Variants in HSPH1 observed in about 807,000 individuals in gnomAD.
HSPH1 encodes heat shock protein 105 kDa.
In HSPH1, 40 loss-of-function variants were observed where a neutral mutation model predicts 100.0. That is an observed-to-expected ratio of 0.40 (90% CI 0.31 to 0.52). The LOEUF (loss-of-function observed/expected upper bound fraction) is 0.52. Ranked by LOEUF, HSPH1 falls within the 20% of genes least tolerant of loss-of-function variation. HSPH1 has a pLI of 0.54. For missense variants in HSPH1, 876 were observed against 1,015.1 expected, an observed-to-expected ratio of 0.86 and a Z score of 1.86; for synonymous variants, 403 against 344.0, an observed-to-expected ratio of 1.17 and a Z score of -1.90.
Position 31,136,673 on chromosome 13 carries a change from T to C in HSPH1, c.*645A>G, listed in dbSNP as rs1276279725. The C allele has an allele frequency of 6.5e-6, 1 of 152,724 alleles. No individual in the cohort carries two copies. Among genetic ancestry groups the C allele is most frequent in the Non-Finnish European group, 1.5e-5 (1 of 68,106 alleles). 9.5% of individuals were successfully genotyped at this position (152,724 alleles called of 1,614,324 possible). On this transcript the variant is annotated 3_prime_UTR_variant, in exon 18 of 18. Transcript: ENST00000320027. Reference sequence around the variant, plus strand: ...AACTTTATTTTAAAGCTCATAAAAGTGTTCACAATCAGTTACAACAGGATC... The same window carrying C: ...AACTTTATTTTAAAGCTCATAAAAGCGTTCACAATCAGTTACAACAGGATC...
At position 31,137,192 on chromosome 13, in the gene HSPH1, A is replaced by G. The variant is rs930414762; in HGVS notation, c.*126T>C. 19 of 741,426 alleles carry G rather than the reference A, an allele frequency of 2.6e-5. No homozygotes were observed. Among genetic ancestry groups the G allele is most frequent in the Admixed American group, 9.5e-5 (4 of 41,988 alleles). 45.9% of individuals were successfully genotyped at this position (741,426 alleles called of 1,614,324 possible). ...ACTTAAGCTTTTTTTCTTTTTCCAT[A>G]TAATACACAAAATTTCTAAATATCC... On this transcript the variant is annotated 3_prime_UTR_variant, in exon 18 of 18. Transcript: ENST00000320027.
chr13:31,159,573 G>A (rs1231410860), intron 1 of HSPH1, among the ~76,000 whole-genome samples: 1 of 152,198 alleles, frequency 6.6e-6, no homozygotes, highest in Non-Finnish European at 1.5e-5. Flanking sequence ...CAATAACAGA[G>A]CAGAGACTAG....
intron 11 of HSPH1, among the ~76,000 whole-genome samples, chr13:31,144,168 T>C (rs968312330): frequency 2.6e-5 from 4 of 152,172 alleles, no homozygotes; most frequent in African/African-American, 7.2e-5. Context: ...AAGCATTTAA[T>C]TGATGTGATG....
At chr13:31,156,071 T>C (rs963767537) in intron 2 of HSPH1, among the ~76,000 whole-genome samples, 1 of 152,248 alleles carries the variant, frequency 6.6e-6, no homozygotes, top group Non-Finnish European at 1.5e-5. Flanking sequence ...AGTAGCACTA[T>C]AGCCAAATTA....
chr13:31,146,280 T>C (rs145908112), intron 10 of HSPH1, among the ~76,000 whole-genome samples: 2 of 152,198 alleles, frequency 1.3e-5, no homozygotes, highest in Admixed American at 1.3e-4. Flanking sequence ...ACTATAACTA[T>C]GACCTCTTAA....
chr13:31,140,295 C>T lies in HSPH1; in HGVS notation c.1869G>A (p.Met623Ile), dbSNP rs1956042828. The part of the protein sequence containing the change: ...MYIETEGKMI[M>I]QDKLEKERND... ...TCCTTTCTTTTTCCAATTTATCTTG[C>T]ATTATCATCTTACCCTGTCAGGAAA... The change falls in exon 14 of 18, where the codon ATG becomes ATA. Residue 623 changes from methionine to isoleucine, a missense_variant. Met to Ile is a conservative substitution (Grantham distance 10). Coordinates refer to ENST00000320027, the MANE Select transcript of HSPH1 (RefSeq NM_006644.4). 1.2e-6 allele frequency: 2 copies of T among 1,609,860 alleles called. No homozygotes were observed. Among genetic ancestry groups the T allele is most frequent in the East Asian group, 2.2e-5 (1 of 44,746 alleles).
chr13:31,159,571 G>A (rs1202166143), intron 1 of HSPH1, among the ~76,000 whole-genome samples: 5 of 152,186 alleles, frequency 3.3e-5, no homozygotes, highest in Non-Finnish European at 7.3e-5. Context: ...CACAATAACA[G>A]AGCAGAGACT....
At chr13:31,141,318 A>T (rs3761866) in intron 12 of HSPH1, 59 bp from the exon 13 acceptor site, 1 of 1,407,332 alleles carries the variant, frequency 7.1e-7, no homozygotes, top group South Asian at 1.4e-5. Flanking sequence ...GAAAAACACA[A>T]AAAAAATGTC....
At chr13:31,156,622 G>T (rs1487187922) in intron 2 of HSPH1, among the ~76,000 whole-genome samples, 1 of 152,088 alleles carries the variant, frequency 6.6e-6, no homozygotes, top group Non-Finnish European at 1.5e-5. Flanking sequence ...AAGCGGCCAG[G>T]ATAAACACTC....
rs1001367043 is a variant in HSPH1 at position 31,161,869 on chromosome 13, G to A, written c.-287C>T. ...GGGTTGCCTGCCTCACTCTGCCGCG[G>A]CTCGCACACCGGCGCCGGCGCTGAA... is the stretch of plus-strand genomic sequence containing the variant. On this transcript the variant is annotated 5_prime_UTR_variant, in exon 1 of 18. Transcript: ENST00000320027. The A allele has an allele frequency of 1.3e-6, 2 of 1,485,138 alleles. No homozygotes were observed. The highest frequency in any genetic ancestry group is 1.4e-5 in the African/African-American group (1 of 71,716). 92.0% of individuals were successfully genotyped at this position (1,485,138 alleles called of 1,614,324 possible).
At chr13:31,148,571 T>TTAA in intron 8 of HSPH1, 91 bp from the exon 9 acceptor site, 1 of 94,184 alleles carries the variant, frequency 1.1e-5, no homozygotes, top group South Asian at 2.8e-4. Context: ...GACAGGGTTT[T>TTAA]CAAAAAAAAA....
intron 3 of HSPH1, among the ~76,000 whole-genome samples, chr13:31,155,009 G>C (rs930619830): frequency 3.7e-4 from 57 of 152,222 alleles, no homozygotes; most frequent in Middle Eastern, 3.4e-3. Context: ...AAGAAAGCTA[G>C]GGCAGATATA....
chr13:31,152,745 T>G (rs1055122808), intron 5 of HSPH1, 107 bp downstream of exon 5: 40 of 747,024 alleles, frequency 5.4e-5, no homozygotes, highest in Middle Eastern at 6.3e-4. Context: ...AAATCTGACT[T>G]GACTTTTTAA....
At chr13:31,140,489 T>C (rs1956050055) in intron 13 of HSPH1, 180 bp from the exon 14 acceptor site, 1 of 414,840 alleles carries the variant, frequency 2.4e-6, no homozygotes, top group African/African-American at 2.1e-5. Flanking sequence ...ATTTTCTAAA[T>C]ACTCAGGCTG....
chr13:31,156,638 C>T (rs924020712), intron 2 of HSPH1, among the ~76,000 whole-genome samples: 12 of 152,094 alleles, frequency 7.9e-5, no homozygotes, highest in African/African-American at 2.9e-4. Context: ...CACTCTGTGC[C>T]AGAAAATGCA....
At chr13:31,161,950 A>T (rs532289612), upstream of HSPH1, 1 of 1,535,916 alleles carries the variant, frequency 6.5e-7, no homozygotes, top group East Asian at 2.4e-5. Flanking sequence ...CGCACTGATC[A>T]GAACTTTCCA....
At chr13:31,139,622 A>AT (rs1406184166) in intron 14 of HSPH1, among the ~76,000 whole-genome samples, 1 of 152,090 alleles carries the variant, frequency 6.6e-6, no homozygotes, top group Non-Finnish European at 1.5e-5. Flanking sequence ...AGAACTATTA[A>AT]TAAAACAGAC....
rs763397533 is a variant in HSPH1, at chr13:31,147,954, C to T, written c.1378+5G>A. 3.8e-6 allele frequency: 6 copies of T among 1,583,474 alleles called. No individual in the cohort carries two copies. The Admixed American group carries it at 1.0e-4, about 26-fold the overall frequency. On this transcript the variant is annotated splice_donor_5th_base_variant and intron_variant, in intron 10 of 17. Transcript: ENST00000320027. ...AGAGTAAAATATACACAATGAACTCCTTACCTATTTTTGCTTCTGGATATG... is the reference window on the plus strand; with the variant it reads ...AGAGTAAAATATACACAATGAACTCTTTACCTATTTTTGCTTCTGGATATG...
Position 31,138,443 on chromosome 13 carries a change from T to A in HSPH1, c.2334A>T (p.Pro778=). Residue 778 remains proline (P), a synonymous_variant, in exon 17 of 18, where the codon CCA becomes CCT. Transcript: ENST00000320027. ...AQAKKSLDQD[P]VVRAQEIKTK... ...TTTTAATTTCCTGAGCACGTACAAC[T>A]GGATCCTGATCAAGACTCTTTTTAG... 19 of 1,613,366 alleles carry A rather than the reference T, an allele frequency of 1.2e-5. No individual in the cohort carries two copies. The highest frequency in any genetic ancestry group is 1.6e-5 in the Non-Finnish European group (19 of 1,179,466).
Sources: gnomAD v4.1 joint callset for allele counts (sites outside exome capture counted in the v4.1 genomes callset) on GRCh38, gnomAD v4.1.1 for gene constraint, MANE v1.5 for transcripts, NCBI Gene and HGNC (gene_info 2026-07-23, HGNC 2026-07-21) for gene names.